Variants in COL4A2 observed in about 807,000 individuals in gnomAD.
COL4A2 encodes collagen type IV alpha 2 chain, also known as collagen alpha-2(IV) chain.
A neutral mutation model predicts 200.2 loss-of-function variants in COL4A2; 99 were observed. The observed-to-expected ratio is 0.49, with a 90% CI of 0.42 to 0.58. COL4A2 has a LOEUF of 0.58. Ranked by LOEUF, COL4A2 falls within the 20% of genes least tolerant of loss-of-function variation. The pLI, the probability that COL4A2 is intolerant of heterozygous loss-of-function variation, is 0.00. For missense variants in COL4A2, 1,950 were observed against 2,314.1 expected (o/e 0.84, Z 3.23); for synonymous variants, 897 against 900.6 (o/e 1.00, Z 0.07).
Position 110,501,800 on chromosome 13 carries a change from A to G in COL4A2, c.3877+16A>G, listed in dbSNP as rs1245425761. 3.1e-6 allele frequency: 5 copies of G among 1,610,556 alleles called. No homozygotes were observed. In the South Asian group the frequency reaches 5.5e-5, roughly 18 times the overall value. On this transcript the variant is annotated intron_variant, in intron 41 of 47. Transcript: ENST00000360467. The stretch of plus-strand genomic sequence containing the variant: ...GGCCTGAAAGGTAAGCAGGACTTAT[A>G]CATCTGTGCTTCGACATCTCTAGGG...
At chr13:110,501,643 T>C (rs2139549770) in intron 40 of COL4A2, 25 bp from the exon 41 acceptor site, 1 of 1,586,852 alleles carries the variant, frequency 6.3e-7, no homozygotes, top group Non-Finnish European at 8.7e-7. Context: ...ACGCTGAAAA[T>C]AATTTCTTCT....
intron 4 of COL4A2, among the ~76,000 whole-genome samples, chr13:110,409,692 A>G (rs1879755281): frequency 6.6e-6 from 1 of 152,134 alleles, no homozygotes; most frequent in Admixed American, 6.5e-5. Flanking sequence ...GTTTCCTCTC[A>G]CCCAGGACCC....
At chr13:110,382,452 A>G (rs1438392507) in intron 4 of COL4A2, among the ~76,000 whole-genome samples, 1 of 152,232 alleles carries the variant, frequency 6.6e-6, no homozygotes, top group Admixed American at 6.5e-5. Context: ...TAAAGTATCA[A>G]AACAGGTGCT....
chr13:110,469,931 A>ATTTTTTG (rs1882401450), intron 28 of COL4A2, among the ~76,000 whole-genome samples: 1 of 31,238 alleles, frequency 3.2e-5, no homozygotes, highest in Non-Finnish European at 7.2e-5. Flanking sequence ...TTTTTTTTTA[A>ATTTTTTG]TGAAATGGAA....
intron 4 of COL4A2, among the ~76,000 whole-genome samples, chr13:110,422,783 A>G (rs1252357563): frequency 6.6e-6 from 1 of 152,190 alleles, no homozygotes; most frequent in African/African-American, 2.4e-5. Flanking sequence ...GGGGCCTAAC[A>G]TCTCAAGGAA....
At chr13:110,471,105 C>A (rs968630941) in intron 28 of COL4A2, among the ~76,000 whole-genome samples, 1 of 152,224 alleles carries the variant, frequency 6.6e-6, no homozygotes, top group Non-Finnish European at 1.5e-5. Flanking sequence ...TTCATATATA[C>A]TAAGTTTAAG....
In COL4A2 at chr13:110,446,030, C is replaced by G. The variant is rs1014506444; in HGVS notation, c.1011+148C>G. 7 of 831,514 alleles carry G rather than the reference C, an allele frequency of 8.4e-6. No individual in the cohort carries two copies. In the African/African-American group the frequency reaches 8.5e-5, roughly 10 times the overall value. The allele number at this position is 831,514 out of a possible 1,614,324, so 51.5% of individuals were successfully genotyped here. A position where few individuals can be genotyped will look rare whatever the true frequency, so the allele number is the denominator to read the frequency against. Reference sequence around the variant, plus strand: ...TACACGGCCTCTGACACTGGACAGACGAGGTGGATGGTGACCTACGAGCCA... The same window carrying G: ...TACACGGCCTCTGACACTGGACAGAGGAGGTGGATGGTGACCTACGAGCCA... On this transcript the variant is annotated intron_variant, in intron 17 of 47. Coordinates refer to ENST00000360467, the MANE Select transcript of COL4A2 (RefSeq NM_001846.4).
At chr13:110,478,276 A>G in intron 30 of COL4A2, 112 bp downstream of exon 30, 1 of 1,119,144 alleles carries the variant, frequency 8.9e-7, no homozygotes, top group Non-Finnish European at 1.2e-6. Context: ...ACCCCTTAAG[A>G]GGTGCAGGGG....
intron 12 of COL4A2, among the ~76,000 whole-genome samples, chr13:110,435,657 A>G (rs1880844359): frequency 6.6e-6 from 1 of 152,204 alleles, no homozygotes; most frequent in African/African-American, 2.4e-5. Context: ...CTTTTGTGTC[A>G]ATCAGTTTCT....
intron 40 of COL4A2, among the ~76,000 whole-genome samples, chr13:110,496,426 G>T (rs1389092531): frequency 6.6e-6 from 1 of 152,246 alleles, no homozygotes; most frequent in East Asian, 1.9e-4. Context: ...CTGATCTGAA[G>T]ATAGGAGAAA....
At chr13:110,495,570 G>T in intron 40 of COL4A2, 103 bp downstream of exon 40, 2 of 1,460,486 alleles carry the variant, frequency 1.4e-6, no homozygotes, top group South Asian at 2.7e-5. Flanking sequence ...CTGTGCAGAA[G>T]TGCAGGAAAG....
At chr13:110,380,588 G>A (rs1011221911) in intron 4 of COL4A2, among the ~76,000 whole-genome samples, 3 of 152,098 alleles carry the variant, frequency 2.0e-5, no homozygotes, top group African/African-American at 7.2e-5. Flanking sequence ...TCAATATTCG[G>A]GCAAGAGGGC....
rs1881809641 is a variant in COL4A2, at chr13:110,457,447, T to C, written c.1432+12T>C. On this transcript the variant is annotated intron_variant, in intron 21 of 47. Transcript: ENST00000360467. Reference sequence around the variant, plus strand: ...AAAGGGGTGGAAAGGTAAGAACATCTGGGAGGGACGGGATGAGGACAGCCT... The same window carrying C: ...AAAGGGGTGGAAAGGTAAGAACATCCGGGAGGGACGGGATGAGGACAGCCT... The C allele has an allele frequency of 1.3e-6, 2 of 1,512,790 alleles. No homozygotes were observed. The highest frequency in any genetic ancestry group is 1.1e-5 in the South Asian group (1 of 89,048). 93.7% of individuals were successfully genotyped at this position (1,512,790 alleles called of 1,614,324 possible). A position where few individuals can be genotyped will look rare whatever the true frequency, so the allele number is the denominator to read the frequency against.
At position 110,472,975 on chromosome 13, in the gene COL4A2, C is replaced by A; in HGVS notation, c.2250C>A (p.Gly750=). 1 of 1,549,320 alleles carries A rather than the reference C, an allele frequency of 6.5e-7. No homozygotes were observed. Among genetic ancestry groups the A allele is most frequent in the Non-Finnish European group, 8.7e-7 (1 of 1,148,326 alleles). The change falls in exon 29 of 48, where the codon GGC becomes GGA. Residue 750 remains glycine (G), a synonymous_variant. Coordinates refer to ENST00000360467, the MANE Select transcript of COL4A2 (RefSeq NM_001846.4). ...CCAAAGGTGCAGTGGGCCTCCCTGG[C>A]CCAGATGGATCCCCAGGTCCCATCG... ...RGSKGAVGLP[G]PDGSPGPIGL... is the part of the protein sequence containing the mutation.
chr13:110,392,622 A>G (rs1879031566), intron 4 of COL4A2, among the ~76,000 whole-genome samples: 1 of 152,156 alleles, frequency 6.6e-6, no homozygotes, highest in African/African-American at 2.4e-5. Flanking sequence ...AAAAAAGACC[A>G]TATTAGTACA....
chr13:110,473,092 G>T lies in COL4A2; in HGVS notation c.2367G>T (p.Val789=). 1 of 1,554,898 alleles carries T rather than the reference G, an allele frequency of 6.4e-7. No homozygotes were observed. The highest frequency in any genetic ancestry group is 1.2e-5 in the South Asian group (1 of 83,676). ...AQPGPRGDAG[V]PGQPGLKGLP... is the part of the protein sequence containing the mutation. ...CCGGGCCACGGGGAGATGCTGGTGT[G>T]CCTGGACAGCCTGGGCTTAAAGGCC... Residue 789 remains valine (V), a synonymous_variant, in exon 29 of 48, where the codon GTG becomes GTT. Coordinates refer to ENST00000360467, the MANE Select transcript of COL4A2 (RefSeq NM_001846.4).
intron 10 of COL4A2, 60 bp from the exon 11 acceptor site, chr13:110,432,265 G>A: frequency 6.4e-7 from 1 of 1,555,698 alleles, no homozygotes; most frequent in South Asian, 1.3e-5. Flanking sequence ...CTTTCCACCA[G>A]ATGTTATCTG....
chr13:110,439,918 A>T, intron 16 of COL4A2, 85 bp downstream of exon 16: 1 of 1,534,034 alleles, frequency 6.5e-7, no homozygotes. Context: ...CATCTCAGGA[A>T]AGAAAATTGT....
intron 28 of COL4A2, among the ~76,000 whole-genome samples, chr13:110,470,780 C>T (rs1212477473): frequency 2.0e-5 from 3 of 152,204 alleles, no homozygotes; most frequent in Non-Finnish European, 4.4e-5. Context: ...ACTCAGATAG[C>T]TGATTTAAGC....
Sources: gnomAD v4.1 joint callset for allele counts (sites outside exome capture counted in the v4.1 genomes callset) on GRCh38, gnomAD v4.1.1 for gene constraint, MANE v1.5 for transcripts, NCBI Gene and HGNC (gene_info 2026-07-23, HGNC 2026-07-21) for gene names.